Variants in EXOC7 observed in about 807,000 individuals in gnomAD.
EXOC7 encodes exocyst complex component 7.
Under a neutral mutation model 87.6 loss-of-function variants are expected in EXOC7, and 51 were observed. That is an observed-to-expected ratio of 0.58 (90% CI 0.46 to 0.73). The LOEUF (loss-of-function observed/expected upper bound fraction) is 0.73, where lower values mean the gene tolerates loss of function less well. Among genes scored for constraint, EXOC7 ranks in the 30% least tolerant of loss-of-function variants. The probability of loss-of-function intolerance (pLI) is 0.00; values close to 1 mark genes in which losing one functional copy is unlikely to be tolerated. For synonymous variants in EXOC7, 327 were observed against 357.1 expected (o/e 0.92, Z 0.95); for missense variants, 744 against 888.4 (o/e 0.84, Z 2.07).
chr17:76,090,601 G>A (rs2067434892), intron 7 of EXOC7: 12 of 928,806 alleles, frequency 1.3e-5, no homozygotes, highest in East Asian at 1.1e-4. Flanking sequence ...TGACTTCAGT[G>A]AGCACCCAGG....
chr17:76,102,925 A>C (rs1457463501), intron 2 of EXOC7, among the ~76,000 whole-genome samples: 1 of 152,228 alleles, frequency 6.6e-6, no homozygotes, highest in Non-Finnish European at 1.5e-5. Flanking sequence ...ACTAGATCCC[A>C]GATCTGCCTG....
At chr17:76,102,425 C>G (rs565703620) in intron 2 of EXOC7, among the ~76,000 whole-genome samples, 1 of 118,328 alleles carries the variant, frequency 8.5e-6, no homozygotes, top group Non-Finnish European at 1.5e-5. Flanking sequence ...CAGACACACA[C>G]ACACACACAC....
intron 7 of EXOC7, among the ~76,000 whole-genome samples, chr17:76,090,015 G>C (rs2067403097): frequency 6.6e-6 from 1 of 152,234 alleles, no homozygotes; most frequent in African/African-American, 2.4e-5. Context: ...GAGGGGATCA[G>C]AGCTCTGAAT....
chr17:76,102,465 G>A (rs2068116749), intron 2 of EXOC7, among the ~76,000 whole-genome samples: 1 of 150,724 alleles, frequency 6.6e-6, no homozygotes, highest in African/African-American at 2.4e-5. Flanking sequence ...CAATTAGCAA[G>A]GCGTGGTGGT....
intron 5 of EXOC7, among the ~76,000 whole-genome samples, chr17:76,094,957 A>C (rs768950307): frequency 8.6e-5 from 11 of 128,560 alleles, no homozygotes; most frequent in Non-Finnish European, 1.6e-4. Context: ...ACTGATAATT[A>C]GTTGTAAGTT....
At chr17:76,100,770 C>G (rs1045133395) in intron 4 of EXOC7, among the ~76,000 whole-genome samples, 2 of 152,168 alleles carry the variant, frequency 1.3e-5, no homozygotes, top group Admixed American at 6.5e-5. Context: ...CATCTGAGGT[C>G]AGGAGTTCGA....
At chr17:76,087,525 C>T (rs1598302841) in intron 12 of EXOC7, 129 bp downstream of exon 12, 1 of 891,018 alleles carries the variant, frequency 1.1e-6, no homozygotes, top group African/African-American at 1.7e-5. Flanking sequence ...CCCCAGGGAC[C>T]CTCTGCTGAG....
rs1341011879 is a variant in EXOC7, at chr17:76,082,051, T to C, written c.*1597A>G. ...ACCCAGGGCCTCATCCTGCTGAAGG[T>C]GGGCAGGGGCTGGGGGGTAAGGAAT... On this transcript the variant is annotated 3_prime_UTR_variant, in exon 19 of 19. Transcript: ENST00000589210. The C allele has an allele frequency of 6.2e-7, 1 of 1,602,808 alleles. No individual in the cohort carries two copies. Among genetic ancestry groups the C allele is most frequent in the South Asian group, 1.1e-5 (1 of 89,932 alleles).
chr17:76,088,265 G>A (rs2067304023), intron 10 of EXOC7, 143 bp from the exon 11 acceptor site: 1 of 996,262 alleles, frequency 1.0e-6, no homozygotes, highest in Non-Finnish European at 1.5e-6. Flanking sequence ...TGGACCAAGG[G>A]GGAGAGGCCC....
At chr17:76,099,685 C>A (rs541205993) in intron 4 of EXOC7, among the ~76,000 whole-genome samples, 1 of 152,078 alleles carries the variant, frequency 6.6e-6, no homozygotes, top group African/African-American at 2.4e-5. Context: ...TTATAAGATA[C>A]CATTTATATT....
At position 76,082,045 on chromosome 17, in the gene EXOC7, T is replaced by C; in HGVS notation, c.*1603A>G. 6.2e-7 allele frequency: 1 copy of C among 1,606,472 alleles called. No individual in the cohort carries two copies. Reference sequence around the variant, plus strand: ...ACGGCAACCCAGGGCCTCATCCTGCTGAAGGTGGGCAGGGGCTGGGGGGTA... The same window carrying C: ...ACGGCAACCCAGGGCCTCATCCTGCCGAAGGTGGGCAGGGGCTGGGGGGTA... On this transcript the variant is annotated 3_prime_UTR_variant, in exon 19 of 19. Transcript: ENST00000589210.
At chr17:76,096,960 C>T (rs931749198) in intron 5 of EXOC7, among the ~76,000 whole-genome samples, 10 of 152,016 alleles carry the variant, frequency 6.6e-5, no homozygotes, top group East Asian at 1.9e-4. Flanking sequence ...AGTCATTCCC[C>T]GCCACCTCAG....
At chr17:76,083,806 C>A in intron 18 of EXOC7, 56 bp from the exon 19 acceptor site, 1 of 1,577,548 alleles carries the variant, frequency 6.3e-7, no homozygotes, top group Non-Finnish European at 8.7e-7. Flanking sequence ...CCAGCTCCAC[C>A]CTCAGCCTAA....
intron 8 of EXOC7, 38 bp from the exon 9 acceptor site, chr17:76,088,961 C>A: frequency 2.5e-6 from 4 of 1,595,412 alleles, no homozygotes; most frequent in Non-Finnish European, 3.4e-6. Flanking sequence ...AAGGGTGGGG[C>A]GGTGGGAGCT....
intron 6 of EXOC7, 70 bp downstream of exon 6, chr17:76,094,344 A>T: frequency 6.7e-7 from 1 of 1,499,152 alleles, no homozygotes; most frequent in Non-Finnish European, 9.0e-7. Context: ...CGAACGCTAG[A>T]TTGGACTAAA....
rs868134546 is a variant in EXOC7 at position 76,085,686 on chromosome 17, G to T, written c.1607C>A (p.Ser536Tyr). Residue 536 changes from serine (S) to tyrosine (Y), a missense_variant, in exon 14 of 19, where the codon TCC becomes TAC. Around this residue, in one of 3 missense-constraint regions of EXOC7, gnomAD observed 228 missense variants for 298.6 expected, o/e 0.76. Transcript: ENST00000589210. ...CCCGCAGGCCACTTACTTCTCCAGGGACTTGAGGATGTAATTGTAGTTGTT... is the reference window on the plus strand; with the variant it reads ...CCCGCAGGCCACTTACTTCTCCAGGTACTTGAGGATGTAATTGTAGTTGTT... Reference protein sequence around the residue: ...LHNNYNYILKSLEKSELIQLV... With the variant: ...LHNNYNYILKYLEKSELIQLV... The T allele has an allele frequency of 1.2e-6, 2 of 1,614,098 alleles. No individual in the cohort carries two copies. Among genetic ancestry groups the T allele is most frequent in the Non-Finnish European group, 1.7e-6 (2 of 1,180,032 alleles).
At chr17:76,102,657 T>C (rs1378498899) in intron 2 of EXOC7, among the ~76,000 whole-genome samples, 1 of 152,166 alleles carries the variant, frequency 6.6e-6, no homozygotes, top group African/African-American at 2.4e-5. Context: ...TAGGACTTTA[T>C]TATTGTGTGA....
chr17:76,085,917 C>T (rs2067192688), intron 13 of EXOC7, 120 bp from the exon 14 acceptor site: 2 of 1,524,852 alleles, frequency 1.3e-6, no homozygotes, highest in Non-Finnish European at 1.8e-6. Context: ...AGGCCTTAGC[C>T]CAACTCCCCT....
intron 6 of EXOC7, 22 bp from the exon 7 acceptor site, chr17:76,091,257 G>A: frequency 6.2e-7 from 1 of 1,606,392 alleles, no homozygotes; most frequent in South Asian, 1.1e-5. Flanking sequence ...GCCACACAGA[G>A]AGGAGATAAG....
Sources: allele counts gnomAD v4.1 joint callset (sites outside exome capture counted in the v4.1 genomes callset), GRCh38; gene constraint gnomAD v4.1.1; regional missense constraint gnomAD v4.1.1; transcripts MANE v1.5; gene names NCBI Gene and HGNC (gene_info 2026-07-23, HGNC 2026-07-21).